The following ATRNL1 variants were observed in gnomAD, a reference collection of about 807,000 sequenced individuals.
ATRNL1 encodes the protein attractin like 1.
ATRNL1 carries 95 observed loss-of-function variants against 182.7 expected under a neutral mutation model. That is an observed-to-expected ratio of 0.52 (90% CI 0.44 to 0.62). The LOEUF (loss-of-function observed/expected upper bound fraction) is 0.62, where lower values mean the gene tolerates loss of function less well. Ranked by LOEUF, ATRNL1 falls within the 20% of genes least tolerant of loss-of-function variation. The pLI, the probability that ATRNL1 is intolerant of heterozygous loss-of-function variation, is 0.00. For missense variants in ATRNL1, 1,471 were observed against 1,679.5 expected (o/e 0.88, Z 2.17); for synonymous variants, 576 against 568.3 (o/e 1.01, Z -0.19).
At chr10:115,385,578 TG>T (rs782041232) in intron 19 of ATRNL1, among the ~76,000 whole-genome samples, 1 of 152,180 alleles carries the variant, frequency 6.6e-6, no homozygotes, top group Non-Finnish European at 1.5e-5. Flanking sequence ...ATAAATTATA[TG>T]TTTTTTTCTT....
intron 26 of ATRNL1, among the ~76,000 whole-genome samples, chr10:115,629,421 A>G (rs1017031170): frequency 1.7e-4 from 26 of 152,214 alleles, no homozygotes; most frequent in Admixed American, 9.8e-4. Context: ...CATGAATCCT[A>G]TTCTCCTTGC....
At chr10:115,469,410 A>G in intron 24 of ATRNL1, 81 bp downstream of exon 24, 1 of 918,120 alleles carries the variant, frequency 1.1e-6, no homozygotes, top group Non-Finnish European at 1.6e-6. Context: ...GTGATGATAT[A>G]TGTACATTTC....
intron 27 of ATRNL1, among the ~76,000 whole-genome samples, chr10:115,808,603 A>T (rs74503961): frequency 2.0e-5 from 3 of 152,116 alleles, no homozygotes; most frequent in African/African-American, 7.2e-5. Context: ...AGAAACTGCC[A>T]AACTGTTCTC....
At chr10:115,443,365 T>C (rs1312406121) in intron 21 of ATRNL1, among the ~76,000 whole-genome samples, 1 of 152,040 alleles carries the variant, frequency 6.6e-6, no homozygotes, top group Non-Finnish European at 1.5e-5. Flanking sequence ...GCTCTCTTTT[T>C]ATAGGCATAT....
chr10:115,106,583 C>T (rs141295082), intron 1 of ATRNL1, among the ~76,000 whole-genome samples: 83 of 152,232 alleles, frequency 5.5e-4, no homozygotes, highest in African/African-American at 1.7e-3. Context: ...AATTACCCAG[C>T]GGGAGGTAAT....
chr10:115,477,466 A>T (rs1848585832), intron 24 of ATRNL1, among the ~76,000 whole-genome samples: 1 of 151,476 alleles, frequency 6.6e-6, no homozygotes. Context: ...ATAAATATTC[A>T]CTCAGGATCT....
intron 26 of ATRNL1, among the ~76,000 whole-genome samples, chr10:115,612,714 A>C (rs1857228443): frequency 6.6e-6 from 1 of 152,206 alleles, no homozygotes; most frequent in Non-Finnish European, 1.5e-5. Context: ...TTTTACAGGC[A>C]TATGTGCAAG....
intron 21 of ATRNL1, among the ~76,000 whole-genome samples, chr10:115,457,141 A>G (rs1477371255): frequency 6.6e-6 from 1 of 152,040 alleles, no homozygotes; most frequent in Admixed American, 6.6e-5. Flanking sequence ...GAGAGTGAGT[A>G]AGGCAGAAAA....
At chr10:115,263,141 C>G (rs1248947224) in intron 10 of ATRNL1, among the ~76,000 whole-genome samples, 2 of 151,804 alleles carry the variant, frequency 1.3e-5, no homozygotes, top group Non-Finnish European at 3.0e-5. Context: ...ATGGAAAACT[C>G]TAACATGGTT....
At chr10:115,190,664 G>A (rs1848134047) in intron 8 of ATRNL1, among the ~76,000 whole-genome samples, 1 of 152,052 alleles carries the variant, frequency 6.6e-6, no homozygotes, top group South Asian at 2.1e-4. Context: ...TCAAATCAGG[G>A]TAATTGGGAC....
At chr10:115,764,168 T>C (rs540130366) in intron 27 of ATRNL1, among the ~76,000 whole-genome samples, 1 of 152,272 alleles carries the variant, frequency 6.6e-6, no homozygotes, top group East Asian at 1.9e-4. Context: ...TTTAGAGCAG[T>C]TTTAGGTTCA....
chr10:115,432,409 T>C (rs1846216144), intron 21 of ATRNL1, among the ~76,000 whole-genome samples: 1 of 152,110 alleles, frequency 6.6e-6, no homozygotes, highest in Non-Finnish European at 1.5e-5. Flanking sequence ...GTGGCACTCT[T>C]GGTATTGCTG....
chr10:115,120,307 C>T, intron 2 of ATRNL1, 39 bp downstream of exon 2: 1 of 1,075,228 alleles, frequency 9.3e-7, no homozygotes, highest in African/African-American at 1.6e-5. Flanking sequence ...GTATTTTATT[C>T]TTAAATGATA....
At chr10:115,535,752 G>A (rs1851946659) in intron 25 of ATRNL1, among the ~76,000 whole-genome samples, 1 of 151,960 alleles carries the variant, frequency 6.6e-6, no homozygotes, top group Non-Finnish European at 1.5e-5. Flanking sequence ...TCTACTTTTG[G>A]TCTATGATGA....
intron 5 of ATRNL1, among the ~76,000 whole-genome samples, chr10:115,135,598 T>G (rs1554876433): frequency 2.0e-5 from 3 of 152,264 alleles, no homozygotes; most frequent in Admixed American, 6.5e-5. Flanking sequence ...ATTGTGAAAA[T>G]GGCCATACTG....
intron 28 of ATRNL1, among the ~76,000 whole-genome samples, chr10:115,875,526 T>G (rs1162506271): frequency 1.3e-5 from 2 of 152,194 alleles, no homozygotes; most frequent in Non-Finnish European, 1.5e-5. Context: ...GACATCAGTC[T>G]CTGAGACAAA....
intron 19 of ATRNL1, among the ~76,000 whole-genome samples, chr10:115,374,392 T>TG (rs1243140699): frequency 6.6e-6 from 1 of 151,510 alleles, no homozygotes; most frequent in Non-Finnish European, 1.5e-5. Context: ...GCCTCCCTTC[T>TG]GCTCACTTTG....
intron 25 of ATRNL1, among the ~76,000 whole-genome samples, chr10:115,541,384 TAAAAAG>T (rs782448155): frequency 1.8e-4 from 27 of 152,164 alleles, no homozygotes; most frequent in Non-Finnish European, 3.1e-4. Context: ...CTACAGTGGA[TAAAAAG>T]AAAAAGACAA....
intron 21 of ATRNL1, among the ~76,000 whole-genome samples, chr10:115,447,085 G>C (rs1847036232): frequency 6.6e-6 from 1 of 151,454 alleles, no homozygotes; most frequent in Non-Finnish European, 1.5e-5. Context: ...TTTTCCAAAA[G>C]GTGTTCCTAG....
Sources: gnomAD v4.1 joint callset for allele counts (sites outside exome capture counted in the v4.1 genomes callset) on GRCh38, gnomAD v4.1.1 for gene constraint, MANE v1.5 for transcripts, NCBI Gene and HGNC (gene_info 2026-07-23, HGNC 2026-07-21) for gene names.